Variants in SNX14 observed in about 807,000 individuals in gnomAD.
The protein encoded by SNX14 is sorting nexin 14, also known as sorting nexin-14.
Under a neutral mutation model 133.8 loss-of-function variants are expected in SNX14, and 93 were observed. The observed-to-expected ratio is 0.70, with a 90% CI of 0.59 to 0.83. SNX14 has a LOEUF of 0.83. SNX14 is among the 40% of genes least tolerant of loss of function. SNX14 has a pLI of 0.00. For synonymous variants in SNX14, 368 were observed against 365.6 expected, an observed-to-expected ratio of 1.01 and a Z score of -0.07; for missense variants, 945 against 1,094.9, an observed-to-expected ratio of 0.86 and a Z score of 1.93.
At chr6:85,524,190 A>AAAAG (rs142252854) in intron 21 of SNX14, among the ~76,000 whole-genome samples, 4,262 of 151,896 alleles carry the variant, frequency 0.028, 105 homozygotes, top group African/African-American at 0.067. Flanking sequence ...TCCATCTCAA[A>AAAAG]AAAGAAAGAA....
At chr6:85,509,478 T>A (rs1771978602) in intron 26 of SNX14, among the ~76,000 whole-genome samples, 1 of 129,102 alleles carries the variant, frequency 7.7e-6, no homozygotes, top group Admixed American at 9.0e-5. Context: ...TCCTCAATAT[T>A]AAGAATTCTC....
chr6:85,582,597 T>C (rs960939763), intron 1 of SNX14, among the ~76,000 whole-genome samples: 1 of 151,658 alleles, frequency 6.6e-6, no homozygotes, highest in Non-Finnish European at 1.5e-5. Flanking sequence ...AAAGGGGATA[T>C]CATCACTGAT....
intron 26 of SNX14, among the ~76,000 whole-genome samples, chr6:85,512,782 G>A (rs187635765): frequency 2.0e-4 from 30 of 152,266 alleles, no homozygotes; most frequent in Middle Eastern, 3.4e-3. Context: ...TTGAGTTCAC[G>A]GGTTTCTGCT....
intron 1 of SNX14, among the ~76,000 whole-genome samples, chr6:85,582,496 T>A (rs75433361): frequency 6.1e-5 from 9 of 146,560 alleles, no homozygotes; most frequent in African/African-American, 2.0e-4. Context: ...CAGGAGCCGA[T>A]TTTTTTTTTT....
At chr6:85,543,540 A>C in intron 13 of SNX14, 65 bp downstream of exon 13, 2 of 1,370,504 alleles carry the variant, frequency 1.5e-6, no homozygotes, top group Non-Finnish European at 2.0e-6. Context: ...TGCAATAATA[A>C]ACAGAAAATA....
chr6:85,542,119 C>A, intron 14 of SNX14, 76 bp from the exon 15 acceptor site: 3 of 1,007,536 alleles, frequency 3.0e-6, no homozygotes, highest in South Asian at 1.9e-5. Context: ...TAGTTTACTA[C>A]TTTCCAGTTT....
At chr6:85,589,407 G>C (rs1802093349) in intron 1 of SNX14, 1 of 153,642 alleles carries the variant, frequency 6.5e-6, no homozygotes, top group African/African-American at 2.4e-5. Context: ...ATTTTTTGTA[G>C]AGACAGGGTT....
At chr6:85,516,834 C>T (rs940730146) in intron 23 of SNX14, among the ~76,000 whole-genome samples, 5 of 152,064 alleles carry the variant, frequency 3.3e-5, no homozygotes, top group African/African-American at 9.7e-5. Context: ...GGCAGGGTTT[C>T]ACCAAGGTGG....
In SNX14 at chr6:85,528,277, G is replaced by A. The variant is rs1375065999; in HGVS notation, c.1980C>T (p.Phe660=). The change falls in exon 20 of 29, where the codon TTC becomes TTT. Residue 660 remains phenylalanine (F), a synonymous_variant. Coordinates refer to ENST00000314673, the MANE Select transcript of SNX14 (RefSeq NM_153816.6). ...GATGTTATACCTGTAGATATTCTTG[G>A]AACTCTTCCCTCTTTGACTTTAAGA... is the stretch of plus-strand genomic sequence containing the variant. The part of the protein sequence containing the change: ...YEFLKSKREE[F]QEYLQKLLQH... 1.2e-6 allele frequency: 2 copies of A among 1,611,010 alleles called. No individual in the cohort carries two copies. Among genetic ancestry groups the A allele is most frequent in the African/African-American group, 1.3e-5 (1 of 74,970 alleles).
intron 2 of SNX14, 25 bp downstream of exon 2, chr6:85,574,233 T>C (rs1562380353): frequency 6.5e-7 from 1 of 1,536,126 alleles, no homozygotes; most frequent in Admixed American, 1.8e-5. Flanking sequence ...CATTGATTCT[T>C]AACAATAAGA....
chr6:85,541,050 G>A (rs766172588), intron 15 of SNX14, among the ~76,000 whole-genome samples: 11 of 149,680 alleles, frequency 7.3e-5, no homozygotes, highest in Admixed American at 6.7e-4. Context: ...CTGGAGTGCA[G>A]TAGCACGATC....
intron 24 of SNX14, 80 bp downstream of exon 24, chr6:85,514,426 G>A (rs975846950): frequency 9.8e-6 from 15 of 1,528,632 alleles, no homozygotes; most frequent in Non-Finnish European, 1.3e-5. Context: ...GTTATGATGG[G>A]GCAATACTCA....
intron 1 of SNX14, among the ~76,000 whole-genome samples, chr6:85,591,365 T>A (rs982056666): frequency 5.3e-5 from 8 of 152,136 alleles, no homozygotes. Flanking sequence ...ATGGTTTTAT[T>A]CAAGACAGTT....
At chr6:85,569,147 A>G (rs1454179543) in intron 4 of SNX14, among the ~76,000 whole-genome samples, 1 of 152,024 alleles carries the variant, frequency 6.6e-6, no homozygotes, top group African/African-American at 2.4e-5. Context: ...TTTTTACTAG[A>G]GATGGGGTTT....
At chr6:85,509,154 T>C (rs574457958) in intron 26 of SNX14, among the ~76,000 whole-genome samples, 4 of 152,280 alleles carry the variant, frequency 2.6e-5, no homozygotes, top group Non-Finnish European at 5.9e-5. Context: ...AAAGGAATGG[T>C]AAGCTTGCTC....
chr6:85,529,691 A>G (rs1015271920), intron 19 of SNX14, among the ~76,000 whole-genome samples: 2 of 152,222 alleles, frequency 1.3e-5, no homozygotes, highest in African/African-American at 2.4e-5. Flanking sequence ...TTGCTCTTAC[A>G]GCAGGGACAG....
Position 85,543,169 on chromosome 6 carries a change from T to TCAAACA in SNX14, c.1389+12_1389+13insTGTTTG. ...TATAAAAATCCTCAAACAAGGTTAA[T>TCAAACA]ATTTTGACTTACCTCATCACTATGG... On this transcript the variant is annotated intron_variant, in intron 14 of 28. Coordinates refer to ENST00000314673, the MANE Select transcript of SNX14 (RefSeq NM_153816.6). 1 of 1,525,224 alleles carries TCAAACA rather than the reference T, an allele frequency of 6.6e-7. No individual in the cohort carries two copies. Among genetic ancestry groups the TCAAACA allele is most frequent in the Non-Finnish European group, 8.8e-7 (1 of 1,141,858 alleles). The allele number at this position is 1,525,224 out of a possible 1,614,324, so 94.5% of individuals were successfully genotyped here.
intron 1 of SNX14, among the ~76,000 whole-genome samples, chr6:85,583,786 T>C (rs963121223): frequency 1.3e-5 from 2 of 152,134 alleles, no homozygotes; most frequent in Admixed American, 6.5e-5. Context: ...TGCTCATGGA[T>C]AGGAAGAATC....
intron 6 of SNX14, among the ~76,000 whole-genome samples, chr6:85,560,971 T>C (rs976356435): frequency 6.7e-6 from 1 of 149,306 alleles, no homozygotes; most frequent in African/African-American, 2.5e-5. Context: ...GAGGTGGAGA[T>C]TGCAGTGAGC....
Sources: allele counts gnomAD v4.1 joint callset (sites outside exome capture counted in the v4.1 genomes callset), GRCh38; gene constraint gnomAD v4.1.1; transcripts MANE v1.5; gene names NCBI Gene and HGNC (gene_info 2026-07-23, HGNC 2026-07-21).